Variants in GNA14 observed in about 807,000 individuals in gnomAD.
The protein encoded by GNA14 is guanine nucleotide-binding protein subunit alpha-14.
GNA14 carries 50 observed loss-of-function variants against 42.0 expected under a neutral mutation model. The ratio of observed to expected loss-of-function variants is 1.19; its 90% confidence interval spans 0.95 to 1.51. The LOEUF (loss-of-function observed/expected upper bound fraction) is 1.51. Among genes scored for constraint, GNA14 ranks in the 40% most tolerant of loss-of-function variants. GNA14 has a pLI of 0.00. For synonymous variants in GNA14, 173 were observed against 163.1 expected, an observed-to-expected ratio of 1.06 and a Z score of -0.46; for missense variants, 473 against 446.2, an observed-to-expected ratio of 1.06 and a Z score of -0.54.
intron 1 of GNA14, among the ~76,000 whole-genome samples, chr9:77,626,919 C>T (rs1354301417): frequency 6.6e-6 from 1 of 152,006 alleles, no homozygotes; most frequent in African/African-American, 2.4e-5. Flanking sequence ...ACACGAACAA[C>T]CCTTTAAAAA....
At chr9:77,446,244 G>A (rs1477454836) in intron 2 of GNA14, among the ~76,000 whole-genome samples, 4 of 152,216 alleles carry the variant, frequency 2.6e-5, no homozygotes, top group Non-Finnish European at 5.9e-5. Flanking sequence ...CTGGTGTTGG[G>A]TTATTTTCAC....
At chr9:77,560,506 G>C (rs1822864884) in intron 1 of GNA14, among the ~76,000 whole-genome samples, 1 of 151,876 alleles carries the variant, frequency 6.6e-6, no homozygotes, top group African/African-American at 2.4e-5. Context: ...TGTAGAGATT[G>C]GGTTTTCCCA....
intron 1 of GNA14, among the ~76,000 whole-genome samples, chr9:77,565,263 G>A (rs1013613544): frequency 1.1e-4 from 16 of 152,164 alleles, no homozygotes; most frequent in Non-Finnish European, 1.5e-5. Flanking sequence ...ATTTGAATGA[G>A]ACTGGTATGA....
At position 77,425,734 on chromosome 9, in the gene GNA14, A is replaced by C; in HGVS notation, c.724-19T>G. ...TGCGATTCTAAGTGAAAAACAAGGG[A>C]CTTGGGATGAAGTAGAAAGGAAATA... On this transcript the variant is annotated intron_variant, in intron 5 of 6. Coordinates refer to ENST00000341700, the MANE Select transcript of GNA14 (RefSeq NM_004297.4). 1 of 1,568,300 alleles carries C rather than the reference A, an allele frequency of 6.4e-7. No homozygotes were observed. The highest frequency in any genetic ancestry group is 1.7e-4 in the Middle Eastern group (1 of 5,814).
intron 2 of GNA14, among the ~76,000 whole-genome samples, chr9:77,496,325 C>T (rs900992895): frequency 1.3e-5 from 2 of 151,794 alleles, no homozygotes; most frequent in Non-Finnish European, 2.9e-5. Context: ...GTACAAGAGC[C>T]AAGTTTTCAC....
chr9:77,592,434 T>C (rs910271364), intron 1 of GNA14, among the ~76,000 whole-genome samples: 3 of 152,198 alleles, frequency 2.0e-5, no homozygotes, highest in Non-Finnish European at 4.4e-5. Context: ...CACTGAAAAG[T>C]AGATTTCTAG....
intron 2 of GNA14, among the ~76,000 whole-genome samples, chr9:77,469,365 T>TAAAAAAAA (rs10537760): frequency 8.6e-6 from 1 of 116,934 alleles, no homozygotes; most frequent in Non-Finnish European, 1.7e-5. Flanking sequence ...TAAACTGTGT[T>TAAAAAAAA]AAAAAAAAAA....
chr9:77,448,204 T>A (rs1835853251), intron 2 of GNA14, among the ~76,000 whole-genome samples: 1 of 152,190 alleles, frequency 6.6e-6, no homozygotes. Context: ...CAAGGCTAAA[T>A]CACGTACTAT....
intron 1 of GNA14, among the ~76,000 whole-genome samples, chr9:77,623,140 C>G (rs1277150644): frequency 7.4e-6 from 1 of 135,146 alleles, no homozygotes; most frequent in Non-Finnish European, 1.5e-5. Context: ...TGCTTGAACC[C>G]GGGGAGGCAG....
intron 1 of GNA14, among the ~76,000 whole-genome samples, chr9:77,534,796 C>A (rs941405658): frequency 6.6e-6 from 1 of 152,044 alleles, no homozygotes; most frequent in African/African-American, 2.4e-5. Flanking sequence ...TCTTTGGAGC[C>A]TAAAAGAGCA....
chr9:77,597,419 A>G (rs1823483887), intron 1 of GNA14, among the ~76,000 whole-genome samples: 1 of 152,148 alleles, frequency 6.6e-6, no homozygotes, highest in South Asian at 2.1e-4. Flanking sequence ...TGGACACAGT[A>G]TAACGTTAAA....
chr9:77,467,320 A>T (rs947614212), intron 2 of GNA14, among the ~76,000 whole-genome samples: 18 of 151,912 alleles, frequency 1.2e-4, no homozygotes, highest in African/African-American at 4.4e-4. Context: ...AAGTCTTCCA[A>T]TAAATCTACA....
At chr9:77,611,211 A>AT (rs1823725200) in intron 1 of GNA14, among the ~76,000 whole-genome samples, 1 of 152,194 alleles carries the variant, frequency 6.6e-6, no homozygotes, top group Non-Finnish European at 1.5e-5. Context: ...CCATGTTAGC[A>AT]TGCTATAGAT....
At chr9:77,604,712 C>T (rs1823622827) in intron 1 of GNA14, among the ~76,000 whole-genome samples, 1 of 152,208 alleles carries the variant, frequency 6.6e-6, no homozygotes, top group Admixed American at 6.5e-5. Flanking sequence ...ACCATTGGCT[C>T]AATGTATCTG....
rs76589617 is a variant in GNA14 at position 77,647,533 on chromosome 9, T to G, written c.124+137A>C. 1,200 of 984,762 alleles carry G rather than the reference T, an allele frequency of 1.2e-3. 12 individuals are homozygous for G. In the African/African-American group the frequency reaches 0.018, roughly 15 times the overall value. The allele number at this position is 984,762 out of a possible 1,614,324, so 61.0% of individuals were successfully genotyped here. ...TAAGGCCCCAAGTTGCTGGCATCCG[T>G]GAGCTCCGAGGGGGAGAAGGACGAA... is the stretch of plus-strand genomic sequence containing the variant. On this transcript the variant is annotated intron_variant, in intron 1 of 6. Coordinates refer to ENST00000341700, the MANE Select transcript of GNA14 (RefSeq NM_004297.4).
chr9:77,568,596 A>G (rs565116791), intron 1 of GNA14, among the ~76,000 whole-genome samples: 2 of 152,346 alleles, frequency 1.3e-5, no homozygotes, highest in Non-Finnish European at 2.9e-5. Context: ...TCAGAAATGC[A>G]AATTCGGATC....
chr9:77,504,443 G>A (rs770942198), intron 2 of GNA14, among the ~76,000 whole-genome samples: 2 of 151,446 alleles, frequency 1.3e-5, no homozygotes, highest in Non-Finnish European at 2.9e-5. Context: ...TTTGAAGAAG[G>A]AAAAGCTCCT....
chr9:77,447,881 A>G (rs761399906), intron 2 of GNA14, among the ~76,000 whole-genome samples: 2 of 152,190 alleles, frequency 1.3e-5, no homozygotes, highest in Admixed American at 6.5e-5. Flanking sequence ...GAGGCTGGGA[A>G]ATGTGGTTTT....
At chr9:77,618,673 G>T (rs1221990249) in intron 1 of GNA14, among the ~76,000 whole-genome samples, 1 of 99,812 alleles carries the variant, frequency 1.0e-5, no homozygotes, top group Non-Finnish European at 1.8e-5. Context: ...TCGCTCTGTC[G>T]CCCAGGCTGG....
Sources: allele counts gnomAD v4.1 joint callset (sites outside exome capture counted in the v4.1 genomes callset), GRCh38; gene constraint gnomAD v4.1.1; transcripts MANE v1.5; gene names NCBI Gene and HGNC (gene_info 2026-07-23, HGNC 2026-07-21).